PCDHGA2: variants seen among roughly 807,000 people sequenced by gnomAD.
PCDHGA2 encodes protocadherin gamma subfamily A, 2.
A neutral mutation model predicts 59.2 loss-of-function variants in PCDHGA2; 40 were observed. The observed-to-expected ratio is 0.68, with a 90% confidence interval of 0.52 to 0.88. PCDHGA2 has a LOEUF of 0.88. Among genes scored for constraint, PCDHGA2 ranks in the 40% least tolerant of loss-of-function variants. The probability of loss-of-function intolerance (pLI) is 0.00; values close to 1 mark genes in which losing one functional copy is unlikely to be tolerated. For synonymous variants in PCDHGA2, 560 were observed against 526.0 expected (o/e 1.06, Z -0.89); for missense variants, 1,226 against 1,204.0 (o/e 1.02, Z -0.27).
intron 1 of PCDHGA2, chr5:141,344,690 C>A: frequency 6.2e-7 from 1 of 1,613,972 alleles, no homozygotes; most frequent in Non-Finnish European, 8.5e-7. Context: ...ATGGTGGCGA[C>A]CCTGTCCACT....
chr5:141,409,407 A>G, intron 1 of PCDHGA2: 3 of 1,614,012 alleles, frequency 1.9e-6, no homozygotes, highest in Non-Finnish European at 2.5e-6. Flanking sequence ...AATAACTACT[A>G]CAAACTGGTG....
In PCDHGA2 at chr5:141,339,611, G is replaced by C. The variant is rs915044310; in HGVS notation, c.640G>C (p.Ala214Pro). 1.2e-6 allele frequency: 2 copies of C among 1,614,076 alleles called. No homozygotes were observed. Among genetic ancestry groups the C allele is most frequent in the African/African-American group, 2.7e-5 (2 of 74,928 alleles). ...EEAVHHLVLV[A>P]SDGGDPVLSG... ...GGCTGTTCACCACCTCGTTCTCGTGGCTTCTGATGGGGGTGACCCAGTGCT... is the reference window on the plus strand; with the variant it reads ...GGCTGTTCACCACCTCGTTCTCGTGCCTTCTGATGGGGGTGACCCAGTGCT... The change falls in exon 1 of 4, where the codon GCT becomes CCT. Residue 214 changes from alanine to proline, a missense_variant. Transcript: ENST00000394576.
chr5:141,497,509 C>T (rs1282025317), intron 2 of PCDHGA2, among the ~76,000 whole-genome samples: 1 of 151,184 alleles, frequency 6.6e-6, no homozygotes, highest in Non-Finnish European at 1.5e-5. Flanking sequence ...CTCTCTGCTT[C>T]CTTAGTTAAC....
intron 1 of PCDHGA2, chr5:141,421,270 C>G: frequency 6.2e-7 from 1 of 1,612,094 alleles, no homozygotes; most frequent in Non-Finnish European, 8.5e-7. Context: ...TCGGCTGCTG[C>G]TGCTGCTGTG....
intron 1 of PCDHGA2, among the ~76,000 whole-genome samples, chr5:141,461,165 TG>T (rs2099010296): frequency 6.6e-6 from 1 of 152,146 alleles, no homozygotes; most frequent in South Asian, 2.1e-4. Flanking sequence ...ATAGTGGGAT[TG>T]CTGGATTGAA....
chr5:141,395,538 TTGTTTGTG>T (rs2093252084), intron 1 of PCDHGA2: 3 of 225,786 alleles, frequency 1.3e-5, no homozygotes, highest in South Asian at 6.0e-5. Flanking sequence ...AATTTTGCTA[TTGTTTGTG>T]TGTGTGTGTG....
At chr5:141,417,821 A>C in intron 1 of PCDHGA2, 3 of 1,515,060 alleles carry the variant, frequency 2.0e-6, no homozygotes, top group Non-Finnish European at 1.8e-6. Context: ...ACTTTCTCCA[A>C]CTGGAAAAGC....
At chr5:141,451,484 G>A (rs2098717067) in intron 1 of PCDHGA2, among the ~76,000 whole-genome samples, 1 of 152,194 alleles carries the variant, frequency 6.6e-6, no homozygotes, top group Admixed American at 6.5e-5. Flanking sequence ...CTTGCCATGT[G>A]GACCTCCATA....
rs373430964 is a variant in PCDHGA2, at chr5:141,374,999, A to G, written c.2424+33604A>G. The G allele has an allele frequency of 1.1e-5, 17 of 1,613,928 alleles. No homozygotes were observed. The African/African-American group carries it at 2.1e-4, about 20-fold the overall frequency. On this transcript the variant is annotated intron_variant, in intron 1 of 3. Transcript: ENST00000394576. ...GACTGGAGAAATTTCAACTTCTGCA[A>G]ATCTAGACTATGAGGACTCGAGTTT...
At chr5:141,355,098 C>G (rs1561507721) in intron 1 of PCDHGA2, 1 of 1,495,944 alleles carries the variant, frequency 6.7e-7, no homozygotes, top group East Asian at 2.3e-5. Flanking sequence ...CCTGAGAGCT[C>G]TGGCTGTGAA....
intron 1 of PCDHGA2, chr5:141,428,224 G>A (rs1232582892): frequency 1.7e-6 from 2 of 1,164,198 alleles, no homozygotes; most frequent in Non-Finnish European, 1.3e-6. Flanking sequence ...AGTCTTCGCA[G>A]ACAGCCTGCA....
At chr5:141,415,438 C>A in intron 1 of PCDHGA2, 1 of 1,614,218 alleles carries the variant, frequency 6.2e-7, no homozygotes, top group South Asian at 1.1e-5. Flanking sequence ...GGCTTTCCTG[C>A]AGACCTATTC....
At chr5:141,456,197 C>T (rs1353243708) in intron 1 of PCDHGA2, among the ~76,000 whole-genome samples, 1 of 152,090 alleles carries the variant, frequency 6.6e-6, no homozygotes, top group Non-Finnish European at 1.5e-5. Context: ...ATAACTCCTA[C>T]CACATTCCTC....
chr5:141,392,280 G>A (rs1299678398), intron 1 of PCDHGA2: 3 of 152,190 alleles, frequency 2.0e-5, no homozygotes, highest in African/African-American at 7.2e-5. Context: ...AAAGCTTAGA[G>A]CACAATGGGA....
intron 1 of PCDHGA2, chr5:141,394,696 C>A: frequency 6.2e-7 from 1 of 1,613,046 alleles, no homozygotes; most frequent in Non-Finnish European, 8.5e-7. Flanking sequence ...GAGGTGCGCA[C>A]GGCGCGAGCC....
intron 1 of PCDHGA2, among the ~76,000 whole-genome samples, chr5:141,438,635 TAC>T (rs56854727): frequency 0.14 from 4,591 of 32,686 alleles, 460 homozygotes; most frequent in Middle Eastern, 0.21. Flanking sequence ...TATATATATA[TAC>T]ACACACACAC....
intron 3 of PCDHGA2, among the ~76,000 whole-genome samples, chr5:141,507,784 T>C (rs2099863290): frequency 6.6e-6 from 1 of 152,136 alleles, no homozygotes; most frequent in Non-Finnish European, 1.5e-5. Context: ...GGCCTGACCC[T>C]CGTCTAAGCC....
intron 1 of PCDHGA2, chr5:141,413,387 T>A (rs902208287): frequency 1.2e-6 from 2 of 1,613,908 alleles, no homozygotes; most frequent in Non-Finnish European, 1.7e-6. Context: ...GTCCGCATAG[T>A]CTCCAGAGGT....
chr5:141,423,174 C>T (rs1203454000), intron 1 of PCDHGA2: 1 of 1,613,484 alleles, frequency 6.2e-7, no homozygotes, highest in South Asian at 1.1e-5. Flanking sequence ...CCGTCCAGGA[C>T]CACGGCCAGC....
Sources: allele counts gnomAD v4.1 joint callset (sites outside exome capture counted in the v4.1 genomes callset), GRCh38; gene constraint gnomAD v4.1.1; transcripts MANE v1.5; gene names NCBI Gene and HGNC (gene_info 2026-07-23, HGNC 2026-07-21).